Variants in EIF3L observed in about 807,000 individuals in gnomAD.
The protein encoded by EIF3L is eukaryotic translation initiation factor 3 subunit L, also known as eIEF associated protein HSPC021.
Under a neutral mutation model 74.6 loss-of-function variants are expected in EIF3L, and 32 were observed. The observed-to-expected ratio is 0.43, with a 90% CI of 0.32 to 0.58. The LOEUF (loss-of-function observed/expected upper bound fraction) is 0.58. Ranked by LOEUF, EIF3L falls within the 20% of genes least tolerant of loss-of-function variation. EIF3L has a pLI of 0.06. For missense variants in EIF3L, 474 were observed against 707.8 expected, an observed-to-expected ratio of 0.67 and a Z score of 3.75; for synonymous variants, 256 against 254.4, an observed-to-expected ratio of 1.01 and a Z score of -0.06.
intron 7 of EIF3L, 38 bp from the exon 8 acceptor site, chr22:37,870,138 T>C (rs572735088): frequency 1.3e-6 from 2 of 1,548,638 alleles, no homozygotes; most frequent in African/African-American, 1.4e-5. Context: ...CACTTTGGGC[T>C]TATACCACTA....
intron 1 of EIF3L, 116 bp from the exon 2 acceptor site, chr22:37,849,899 A>G: frequency 9.0e-7 from 1 of 1,109,506 alleles, no homozygotes. Context: ...AAAGGCAGGC[A>G]CAGTGTCTTA....
chr22:37,853,075 CAAAA>C (rs1248772055), intron 3 of EIF3L, among the ~76,000 whole-genome samples: 1 of 151,964 alleles, frequency 6.6e-6, no homozygotes, highest in Non-Finnish European at 1.5e-5. Flanking sequence ...CTTGCCTCCT[CAAAA>C]GAAAGAATTC....
intron 9 of EIF3L, 115 bp from the exon 10 acceptor site, chr22:37,875,726 G>A (rs751896671): frequency 2.4e-5 from 23 of 956,752 alleles, no homozygotes; most frequent in Non-Finnish European, 3.5e-5. Flanking sequence ...TGGGACTCCA[G>A]AGCTTCCTCT....
chr22:37,866,785 C>CA (rs982917351), intron 7 of EIF3L, among the ~76,000 whole-genome samples: 9 of 150,762 alleles, frequency 6.0e-5, no homozygotes, highest in Admixed American at 2.0e-4. Context: ...GACTCTGTCT[C>CA]AAAAAAAACA....
chr22:37,856,844 CAAA>C (rs934266268), intron 4 of EIF3L, among the ~76,000 whole-genome samples: 1 of 110,886 alleles, frequency 9.0e-6, no homozygotes. Flanking sequence ...AACTCCGCCT[CAAA>C]AAAAAAAAAA....
chr22:37,855,294 A>C (rs1925440476), intron 3 of EIF3L, among the ~76,000 whole-genome samples: 1 of 152,236 alleles, frequency 6.6e-6, no homozygotes, highest in South Asian at 2.1e-4. Context: ...CAAGCAGTTA[A>C]ATATGGCTAT....
chr22:37,873,434 G>GA (rs139840), intron 8 of EIF3L, among the ~76,000 whole-genome samples: 61,524 of 151,112 alleles, frequency 0.41, 12,795 homozygotes, highest in African/African-American at 0.44. Context: ...AAGTAGCTGG[G>GA]CTACAGGCGC....
intron 9 of EIF3L, 76 bp downstream of exon 9, chr22:37,874,600 G>C: frequency 6.7e-7 from 1 of 1,482,874 alleles, no homozygotes; most frequent in Non-Finnish European, 9.1e-7. Context: ...GATCTCTTAG[G>C]ACAAATTTCC....
At chr22:37,851,909 C>A (rs957382877) in intron 3 of EIF3L, among the ~76,000 whole-genome samples, 1 of 152,166 alleles carries the variant, frequency 6.6e-6, no homozygotes, top group South Asian at 2.1e-4. Flanking sequence ...CTCAAGTGAT[C>A]CACCCGCCTC....
intron 7 of EIF3L, 34 bp downstream of exon 7, chr22:37,863,379 C>T (rs752904926): frequency 1.6e-5 from 25 of 1,525,280 alleles, no homozygotes; most frequent in Middle Eastern, 1.7e-4. Context: ...TTTGAAATAA[C>T]TGGTCCATGC....
At chr22:37,870,431 G>A (rs1274286503) in intron 8 of EIF3L, 84 bp downstream of exon 8, 1 of 1,343,186 alleles carries the variant, frequency 7.4e-7, no homozygotes, top group Non-Finnish European at 1.0e-6. Context: ...ACTGCAAGGA[G>A]AGCAGATGAG....
At chr22:37,870,555 T>C (rs1436386122) in intron 8 of EIF3L, among the ~76,000 whole-genome samples, 2 of 152,326 alleles carry the variant, frequency 1.3e-5, no homozygotes, top group African/African-American at 2.4e-5. Context: ...GCCAACAGAC[T>C]GAACCAGCAC....
chr22:37,850,409 C>G (rs1925126678), intron 2 of EIF3L: 6 of 247,508 alleles, frequency 2.4e-5, no homozygotes, highest in Non-Finnish European at 4.9e-5. Context: ...TCTCGGCTCA[C>G]TGCAACCTCC....
chr22:37,873,458 C>T (rs1024225516), intron 8 of EIF3L, among the ~76,000 whole-genome samples: 17 of 151,986 alleles, frequency 1.1e-4, no homozygotes, highest in East Asian at 3.9e-4. Flanking sequence ...CCACCATGCC[C>T]GGCTAATTTT....
intron 9 of EIF3L, among the ~76,000 whole-genome samples, chr22:37,875,338 A>G (rs1034505885): frequency 6.6e-6 from 1 of 151,728 alleles, no homozygotes; most frequent in African/African-American, 2.4e-5. Flanking sequence ...AGATCACACC[A>G]TTGCACTCCA....
intron 4 of EIF3L, chr22:37,858,417 T>A: frequency 2.3e-6 from 1 of 431,622 alleles, no homozygotes. Context: ...GGTTTTTTTA[T>A]GCACTTGGAT....
intron 7 of EIF3L, among the ~76,000 whole-genome samples, chr22:37,867,967 AAAAG>A (rs1569117115): frequency 6.6e-6 from 1 of 151,394 alleles, no homozygotes; most frequent in Non-Finnish European, 1.5e-5. Flanking sequence ...AAAAAAAAAA[AAAAG>A]AAAAAGAAAA....
chr22:37,886,908 A>G (rs1927349825), intron 12 of EIF3L, 63 bp downstream of exon 12: 3 of 1,355,648 alleles, frequency 2.2e-6, no homozygotes, highest in South Asian at 1.2e-5. Flanking sequence ...CTGAATCGAG[A>G]GTTTACTTTT....
intron 4 of EIF3L, among the ~76,000 whole-genome samples, chr22:37,857,302 A>G (rs919045832): frequency 2.8e-5 from 4 of 144,356 alleles, no homozygotes; most frequent in African/African-American, 1.0e-4. Flanking sequence ...CCCGGGAGGC[A>G]GAACTTGCAG....
Sources: allele counts gnomAD v4.1 joint callset (sites outside exome capture counted in the v4.1 genomes callset), GRCh38; gene constraint gnomAD v4.1.1; transcripts MANE v1.5; gene names NCBI Gene and HGNC (gene_info 2026-07-23, HGNC 2026-07-21).